SLC44A1: variants seen among roughly 807,000 people sequenced by gnomAD.
The protein encoded by SLC44A1 is choline transporter-like protein 1.
In SLC44A1, 26 loss-of-function variants were observed where a neutral mutation model predicts 79.3. That is an observed-to-expected ratio of 0.33 (90% confidence interval 0.24 to 0.46). The LOEUF is 0.46. SLC44A1 is among the 20% of genes least tolerant of loss of function. The pLI, the probability that SLC44A1 is intolerant of heterozygous loss-of-function variation, is 1.00. For synonymous variants in SLC44A1, 263 were observed against 286.2 expected, an observed-to-expected ratio of 0.92 and a Z score of 0.82; for missense variants, 688 against 798.1, an observed-to-expected ratio of 0.86 and a Z score of 1.66.
chr9:105,274,495 C>T (rs535821878), intron 1 of SLC44A1, among the ~76,000 whole-genome samples: 3 of 152,322 alleles, frequency 2.0e-5, no homozygotes, highest in African/African-American at 7.2e-5. Flanking sequence ...AAGCCTTCCT[C>T]TTCAGTCCAC....
chr9:105,399,032 G>C (rs762664332), downstream of SLC44A1, among the ~76,000 whole-genome samples: 1 of 151,978 alleles, frequency 6.6e-6, no homozygotes, highest in Non-Finnish European at 1.5e-5. Context: ...TGCGTCTCGC[G>C]GGCCGTGGGT....
At chr9:105,426,929 C>T (rs1322072348) in intron 15 of SLC44A1, among the ~76,000 whole-genome samples, 1 of 145,308 alleles carries the variant, frequency 6.9e-6, no homozygotes, top group Non-Finnish European at 1.5e-5. Flanking sequence ...TTCTGTTTTT[C>T]CTTTTCCTTT....
intron 15 of SLC44A1, among the ~76,000 whole-genome samples, chr9:105,422,049 C>T (rs1035532063): frequency 2.0e-5 from 3 of 152,120 alleles, no homozygotes; most frequent in African/African-American, 2.4e-5. Flanking sequence ...GAGGTGACAG[C>T]GTTAGGTTGG....
intron 13 of SLC44A1, among the ~76,000 whole-genome samples, chr9:105,375,287 G>A (rs535283345): frequency 6.6e-6 from 1 of 152,104 alleles, no homozygotes; most frequent in Non-Finnish European, 1.5e-5. Flanking sequence ...TGATCCAACC[G>A]CCTTCGCCTC....
intron 15 of SLC44A1, among the ~76,000 whole-genome samples, chr9:105,412,474 AGT>A (rs2131508299): frequency 6.6e-6 from 1 of 152,326 alleles, no homozygotes; most frequent in Non-Finnish European, 1.5e-5. Context: ...CAAGTCTTCA[AGT>A]GAGCCCTAGT....
At chr9:105,361,015 A>G (rs1172754427) in intron 7 of SLC44A1, among the ~76,000 whole-genome samples, 176 bp from the exon 8 acceptor site, 1 of 152,224 alleles carries the variant, frequency 6.6e-6, no homozygotes. Context: ...ATAATAGAGC[A>G]ATGGACACTT....
Position 105,366,338 on chromosome 9 carries a change from C to A in SLC44A1, c.1411-8C>A. On this transcript the variant is annotated splice_region_variant and splice_polypyrimidine_tract_variant and intron_variant, in intron 11 of 15. Transcript: ENST00000374720. ...TTTTTTTATTATTTCCATTTTTCCCCCATCCAGGAAAATGCTTGTGCACGA... is the reference window on the plus strand; with the variant it reads ...TTTTTTTATTATTTCCATTTTTCCCACATCCAGGAAAATGCTTGTGCACGA... 2.1e-6 allele frequency: 3 copies of A among 1,443,636 alleles called. No homozygotes were observed. The highest frequency in any genetic ancestry group is 2.8e-6 in the Non-Finnish European group (3 of 1,087,688). The allele number at this position is 1,443,636 out of a possible 1,614,324, so 89.4% of individuals were successfully genotyped here.
intron 12 of SLC44A1, among the ~76,000 whole-genome samples, chr9:105,372,936 C>G (rs1395848599): frequency 2.1e-5 from 3 of 144,174 alleles, no homozygotes; most frequent in African/African-American, 7.8e-5. Context: ...GGCGACAGAG[C>G]GAGACTCCGT....
Position 105,365,485 on chromosome 9 carries a change from A to T in SLC44A1, c.1256A>T (p.Asp419Val), listed in dbSNP as rs139138357. 384 of 1,610,276 alleles carry T rather than the reference A, an allele frequency of 2.4e-4. 1 individual carries two copies. Among genetic ancestry groups the T allele is most frequent in the Admixed American group, 5.0e-5 (3 of 59,750 alleles). ...CTTTTTGGTCATTTTTTAAATAGGG[A>T]TAAAAGGAATTTGCCATTTACACCT... ...GAVVTYYFTR[D>V]KRNLPFTPIL... Residue 419 changes from aspartate to valine, a missense_variant and splice_region_variant, in exon 11 of 16, where the codon GAT (aspartate) becomes GTT (valine). Transcript: ENST00000374720.
At position 105,389,723 on chromosome 9, in the gene SLC44A1, G is replaced by A; in HGVS notation, c.*667G>A. On this transcript the variant is annotated 3_prime_UTR_variant, in exon 16 of 16. Transcript: ENST00000374720. ...AGTTTACCCTAACGCTTCTTTAAAA[G>A]AAAGTAGGTAAAAAAAGAAAAGGGT... is the stretch of plus-strand genomic sequence containing the variant. 7.8e-7 allele frequency: 1 copy of A among 1,279,192 alleles called. No individual in the cohort carries two copies. Among genetic ancestry groups the A allele is most frequent in the Non-Finnish European group, 9.9e-7 (1 of 1,009,798 alleles). The allele number at this position is 1,279,192 out of a possible 1,614,324, so 79.2% of individuals were successfully genotyped here. A position where few individuals can be genotyped will look rare whatever the true frequency, so the allele number is the denominator to read the frequency against.
intron 15 of SLC44A1, among the ~76,000 whole-genome samples, chr9:105,436,555 G>A (rs929506337): frequency 2.6e-5 from 4 of 152,066 alleles, no homozygotes; most frequent in Non-Finnish European, 5.9e-5. Context: ...CACTCCGTTC[G>A]GGGTGACAGA....
intron 15 of SLC44A1, among the ~76,000 whole-genome samples, chr9:105,408,791 A>G (rs1829061119): frequency 1.3e-5 from 2 of 152,336 alleles, no homozygotes; most frequent in Middle Eastern, 6.8e-3. Context: ...TGAACACACA[A>G]TGTATAAAGA....
chr9:105,431,966 A>G (rs1172140020), intron 15 of SLC44A1, among the ~76,000 whole-genome samples: 1 of 152,212 alleles, frequency 6.6e-6, no homozygotes, highest in Non-Finnish European at 1.5e-5. Flanking sequence ...TCTGTTGCCC[A>G]GGCTTTAGTG....
intron 3 of SLC44A1, among the ~76,000 whole-genome samples, chr9:105,317,546 G>T (rs1247618563): frequency 6.6e-6 from 1 of 152,088 alleles, no homozygotes; most frequent in Non-Finnish European, 1.5e-5. Context: ...GGTTATGAGG[G>T]TTTGGGGACT....
intron 12 of SLC44A1, among the ~76,000 whole-genome samples, chr9:105,373,533 C>G (rs570542556): frequency 6.6e-6 from 1 of 152,150 alleles, no homozygotes; most frequent in Admixed American, 6.5e-5. Flanking sequence ...GAACAGAAGG[C>G]TCAGCTCAAT....
intron 3 of SLC44A1, 119 bp downstream of exon 3, chr9:105,309,985 C>A: frequency 9.5e-7 from 1 of 1,054,068 alleles, no homozygotes. Flanking sequence ...TATGTGACTT[C>A]TGTTGGTGTG....
chr9:105,284,672 G>A (rs771218321), intron 1 of SLC44A1, among the ~76,000 whole-genome samples: 5 of 151,818 alleles, frequency 3.3e-5, no homozygotes, highest in African/African-American at 4.8e-5. Context: ...TATCTGATGC[G>A]GTAGCTATAT....
intron 1 of SLC44A1, among the ~76,000 whole-genome samples, chr9:105,287,693 C>T (rs1380928779): frequency 7.2e-6 from 1 of 137,948 alleles, no homozygotes; most frequent in African/African-American, 3.4e-5. Context: ...TTCAGCTGAT[C>T]ATCTACTGTT....
At chr9:105,376,806 T>G (rs372067297) in intron 13 of SLC44A1, among the ~76,000 whole-genome samples, 1 of 152,228 alleles carries the variant, frequency 6.6e-6, no homozygotes, top group Admixed American at 6.5e-5. Flanking sequence ...TGAAGGGCTT[T>G]TGTTAAGTGT....
Sources: gnomAD v4.1 joint callset for allele counts (sites outside exome capture counted in the v4.1 genomes callset) on GRCh38, gnomAD v4.1.1 for gene constraint, MANE v1.5 for transcripts, NCBI Gene and HGNC (gene_info 2026-07-23, HGNC 2026-07-21) for gene names.